BCAS3: variants seen among roughly 807,000 people sequenced by gnomAD.
The protein encoded by BCAS3 is BCAS3 microtubule associated cell migration factor.
In BCAS3, 53 loss-of-function variants were observed where a neutral mutation model predicts 116.1. The observed-to-expected ratio is 0.46, with a 90% CI of 0.37 to 0.57. The LOEUF is 0.57. Among genes scored for constraint, BCAS3 ranks in the 20% least tolerant of loss-of-function variants. The pLI is 0.00. For missense variants in BCAS3, 917 were observed against 1,165.4 expected (o/e 0.79, Z 3.10); for synonymous variants, 391 against 408.2 (o/e 0.96, Z 0.51).
chr17:60,984,678 C>T (rs1359697296), intron 14 of BCAS3, among the ~76,000 whole-genome samples: 4 of 151,842 alleles, frequency 2.6e-5, no homozygotes, highest in Admixed American at 6.6e-5. Flanking sequence ...TTTGTGGGTA[C>T]ATAGTAGGTA....
chr17:60,854,640 A>T (rs980233727), intron 7 of BCAS3, among the ~76,000 whole-genome samples: 1 of 152,192 alleles, frequency 6.6e-6, no homozygotes, highest in Admixed American at 6.5e-5. Context: ...CAAAACCACA[A>T]TGAGATACTA....
intron 4 of BCAS3, among the ~76,000 whole-genome samples, chr17:60,706,814 T>C (rs1322723004): frequency 1.3e-5 from 2 of 150,394 alleles, no homozygotes; most frequent in African/African-American, 4.9e-5. Context: ...TTTTTTTTTT[T>C]TTTTTTTTTG....
At chr17:60,928,971 T>C (rs910174468) in intron 13 of BCAS3, among the ~76,000 whole-genome samples, 1 of 152,244 alleles carries the variant, frequency 6.6e-6, no homozygotes, top group African/African-American at 2.4e-5. Context: ...AATGCATAGA[T>C]ACCTCAGTAG....
Position 61,322,618 on chromosome 17 carries a change from C to G in BCAS3, c.2426-45709C>G, listed in dbSNP as rs1019211643. The stretch of plus-strand genomic sequence containing the variant: ...TCTCCTGCCTTCTCTTCATTTCAAA[C>G]AAGTGAGTTGTGTTAGTTGGTTTTT... On this transcript the variant is annotated intron_variant, in intron 22 of 23. Coordinates refer to ENST00000407086, the MANE Select transcript of BCAS3 (RefSeq NM_017679.5). Among the ~76,000 whole-genome samples, 3 of 152,124 alleles carry G rather than the reference C, an allele frequency of 2.0e-5. 1 individual carries two copies. The highest frequency in any genetic ancestry group is 4.4e-5 in the Non-Finnish European group (3 of 68,030).
In BCAS3 at chr17:61,214,700, GA is replaced by G. The variant is rs2081675949; in HGVS notation, c.2425+130143del. ...AGCAAGACTCCATCTCAAAAAAAAAGAAAAAAAGAAAAAAATTCAAAAACAT... is the reference window on the plus strand; with the variant it reads ...AGCAAGACTCCATCTCAAAAAAAAAGAAAAAAGAAAAAAATTCAAAAACAT... On this transcript the variant is annotated intron_variant, in intron 22 of 23. Coordinates refer to ENST00000407086, the MANE Select transcript of BCAS3 (RefSeq NM_017679.5). The surrounding 1 kb of genome is among the most constrained non-coding windows in gnomAD (Gnocchi z 4.4). 6.6e-6 allele frequency among the ~76,000 whole-genome samples: 1 copy of G among 151,576 alleles called. No individual in the cohort carries two copies. The highest frequency in any genetic ancestry group is 1.9e-4 in the East Asian group (1 of 5,158).
At chr17:60,743,114 A>C (rs1168661711) in intron 5 of BCAS3, among the ~76,000 whole-genome samples, 1 of 146,636 alleles carries the variant, frequency 6.8e-6, no homozygotes, top group Non-Finnish European at 1.5e-5. Flanking sequence ...CTCCTTCTCA[A>C]AAAAAAAAAA....
At chr17:60,877,426 A>T (rs2055718848) in intron 9 of BCAS3, among the ~76,000 whole-genome samples, 1 of 152,188 alleles carries the variant, frequency 6.6e-6, no homozygotes, top group African/African-American at 2.4e-5. Flanking sequence ...TAAGCACAAA[A>T]CATAAGTCAA....
At chr17:60,681,097 CG>C (rs2033024196) in intron 2 of BCAS3, among the ~76,000 whole-genome samples, 1 of 152,052 alleles carries the variant, frequency 6.6e-6, no homozygotes, top group African/African-American at 2.4e-5. Flanking sequence ...CTTAGCTACT[CG>C]GGAGGCTGAG....
At chr17:60,734,928 T>C (rs1274746692) in intron 5 of BCAS3, among the ~76,000 whole-genome samples, 1 of 152,224 alleles carries the variant, frequency 6.6e-6, no homozygotes, top group Non-Finnish European at 1.5e-5. Context: ...ACTGACATCT[T>C]GACAATATTG....
chr17:61,049,730 C>CTTTTTTT (rs1027378849), intron 19 of BCAS3, among the ~76,000 whole-genome samples: 4 of 120,812 alleles, frequency 3.3e-5, no homozygotes, highest in Non-Finnish European at 6.8e-5. Context: ...CTTTTCTTTT[C>CTTTTTTT]TTTTTTTTTT....
chr17:60,981,176 A>G (rs2062791075), intron 14 of BCAS3, among the ~76,000 whole-genome samples: 1 of 152,198 alleles, frequency 6.6e-6, no homozygotes, highest in South Asian at 2.1e-4. Flanking sequence ...ATGTTGAAGA[A>G]GTATGATTTG....
intron 22 of BCAS3, among the ~76,000 whole-genome samples, chr17:61,240,555 G>A (rs1411006804): frequency 6.6e-6 from 1 of 152,224 alleles, no homozygotes; most frequent in Non-Finnish European, 1.5e-5. Flanking sequence ...TCTGGAGGCT[G>A]AGGCAGGAGA....
chr17:61,331,978 C>T (rs2056331681), intron 22 of BCAS3, among the ~76,000 whole-genome samples: 1 of 152,182 alleles, frequency 6.6e-6, no homozygotes, highest in Non-Finnish European at 1.5e-5. Context: ...GCCTTTTTCC[C>T]TGTTTCATCC....
intron 23 of BCAS3, among the ~76,000 whole-genome samples, chr17:61,374,796 T>C (rs970579028): frequency 1.3e-5 from 2 of 152,250 alleles, no homozygotes; most frequent in Non-Finnish European, 2.9e-5. Flanking sequence ...TGCATTCTAG[T>C]ACTTCCTTTT....
intron 6 of BCAS3, among the ~76,000 whole-genome samples, chr17:60,772,778 C>T (rs1244182483): frequency 1.3e-5 from 2 of 152,138 alleles, no homozygotes; most frequent in East Asian, 3.9e-4. Context: ...GAGGCTGAGG[C>T]AGGAGAATCG....
intron 22 of BCAS3, among the ~76,000 whole-genome samples, chr17:61,270,611 A>G (rs1184539776): frequency 6.6e-6 from 1 of 152,124 alleles, no homozygotes; most frequent in African/African-American, 2.4e-5. Flanking sequence ...CTATTTGTCT[A>G]CTTTTGCTTT....
chr17:60,819,808 G>C (rs2049765241), intron 7 of BCAS3, among the ~76,000 whole-genome samples: 3 of 150,062 alleles, frequency 2.0e-5, no homozygotes, highest in South Asian at 4.2e-4. Context: ...CTGTAACCCA[G>C]ACTGAAGGCA....
Position 61,376,334 on chromosome 17 carries a change from A to G in BCAS3, c.2593+7840A>G, listed in dbSNP as rs1011197228. 6.6e-6 allele frequency among the ~76,000 whole-genome samples: 1 copy of G among 152,176 alleles called. No individual in the cohort carries two copies. The highest frequency in any genetic ancestry group is 1.5e-5 in the Non-Finnish European group (1 of 68,026). On this transcript the variant is annotated intron_variant, in intron 23 of 23. Transcript: ENST00000407086. This position sits in a 1 kb window ranked among gnomAD's most constrained non-coding sequence, Gnocchi z 4.5. Reference sequence around the variant, plus strand: ...CTGAAGATGCTGCCTTCACAGGGCCATCGTGGCTCATAGCCCCATAGGTCA... The same window carrying G: ...CTGAAGATGCTGCCTTCACAGGGCCGTCGTGGCTCATAGCCCCATAGGTCA...
At chr17:60,861,615 T>C (rs1009115349) in intron 7 of BCAS3, among the ~76,000 whole-genome samples, 5 of 152,160 alleles carry the variant, frequency 3.3e-5, no homozygotes, top group Non-Finnish European at 4.4e-5. Flanking sequence ...CGGTATCGTG[T>C]TGGCTGTGGG....
Sources: allele counts gnomAD v4.1 joint callset (sites outside exome capture counted in the v4.1 genomes callset), GRCh38; gene constraint gnomAD v4.1.1; non-coding constraint Gnocchi (gnomAD v3.1); transcripts MANE v1.5; gene names NCBI Gene and HGNC (gene_info 2026-07-23, HGNC 2026-07-21).